Variants in ZNF521 observed in about 807,000 individuals in gnomAD.
ZNF521 encodes zinc finger protein 521.
In ZNF521, 14 loss-of-function variants were observed where a neutral mutation model predicts 105.5. The ratio of observed to expected loss-of-function variants is 0.13; its 90% confidence interval spans 0.09 to 0.21. The LOEUF (loss-of-function observed/expected upper bound fraction) is 0.21, where lower values mean the gene tolerates loss of function less well. Among genes scored for constraint, ZNF521 ranks in the 10% least tolerant of loss-of-function variants. The pLI, the probability that ZNF521 is intolerant of heterozygous loss-of-function variation, is 1.00. For missense variants in ZNF521, 1,233 were observed against 1,629.7 expected (o/e 0.76, Z 4.19); for synonymous variants, 635 against 606.0 (o/e 1.05, Z -0.70).
At chr18:25,278,021 C>A (rs746454872) in intron 3 of ZNF521, among the ~76,000 whole-genome samples, 1 of 152,074 alleles carries the variant, frequency 6.6e-6, no homozygotes, top group Admixed American at 6.6e-5. Flanking sequence ...GTGCAAATTA[C>A]GAAATAAGGA....
intron 3 of ZNF521, among the ~76,000 whole-genome samples, chr18:25,308,495 T>A (rs556921597): frequency 6.6e-6 from 1 of 152,250 alleles, no homozygotes; most frequent in East Asian, 1.9e-4. Context: ...GCCCAGCAGA[T>A]TCTATGCTGC....
Position 25,225,238 on chromosome 18 carries a change from C to T in ZNF521, c.2680G>A (p.Ala894Thr). ...PMYGCDICGA[A>T]YTMETLLQNH... Reference sequence around the variant, plus strand: ...TGCAGCAAAGTTTCCATAGTGTAGGCTGCCCCACAAATGTCGCAGCCGTAC... The same window carrying T: ...TGCAGCAAAGTTTCCATAGTGTAGGTTGCCCCACAAATGTCGCAGCCGTAC... The change falls in exon 4 of 8, where the codon GCC (alanine) becomes ACC (threonine). Residue 894 changes from alanine to threonine, a missense_variant. Transcript: ENST00000361524. The surrounding 1 kb of genome is among the most constrained non-coding windows in gnomAD (Gnocchi z 5.6). 6.2e-7 allele frequency: 1 copy of T among 1,614,138 alleles called. No homozygotes were observed. The highest frequency in any genetic ancestry group is 8.5e-7 in the Non-Finnish European group (1 of 1,180,022).
At chr18:25,223,146 C>T (rs1325236712) in intron 4 of ZNF521, among the ~76,000 whole-genome samples, 1 of 152,192 alleles carries the variant, frequency 6.6e-6, no homozygotes, top group East Asian at 1.9e-4. Flanking sequence ...TGATCCAACC[C>T]ATGAGCTATG....
intron 3 of ZNF521, among the ~76,000 whole-genome samples, chr18:25,314,319 T>A (rs959909034): frequency 3.9e-5 from 6 of 152,172 alleles, no homozygotes; most frequent in Non-Finnish European, 8.8e-5. Flanking sequence ...TTATTGTTCA[T>A]TGGAATGAAC....
chr18:25,349,814 T>C (rs1208000593), intron 2 of ZNF521, among the ~76,000 whole-genome samples: 2 of 150,020 alleles, frequency 1.3e-5, no homozygotes, highest in African/African-American at 2.4e-5. Context: ...CAGCCGCCCT[T>C]TGTCCTCCGC....
chr18:25,157,845 G>A (rs542591294), intron 5 of ZNF521, among the ~76,000 whole-genome samples: 1 of 152,144 alleles, frequency 6.6e-6, no homozygotes, highest in East Asian at 1.9e-4. Flanking sequence ...CTGTCTCCTG[G>A]GGTTCTAGTG....
At chr18:25,167,951 G>T (rs1216881062) in intron 5 of ZNF521, among the ~76,000 whole-genome samples, 1 of 152,170 alleles carries the variant, frequency 6.6e-6, no homozygotes, top group African/African-American at 2.4e-5. Flanking sequence ...GGATGAAAAG[G>T]TCACTCGCAT....
chr18:25,183,084 C>A (rs1345087729), intron 5 of ZNF521, among the ~76,000 whole-genome samples: 1 of 152,084 alleles, frequency 6.6e-6, no homozygotes, highest in Non-Finnish European at 1.5e-5. Flanking sequence ...ATCCATTATG[C>A]ATTATCCATG....
rs983428969 is a variant in ZNF521 at position 25,330,619 on chromosome 18, C to G, written c.41-8432G>C. ...AATAAGTATAAAATTAAACTGAAAA[C>G]CAAAAGAGACATTGATTCTAATATC... On this transcript the variant is annotated intron_variant, in intron 2 of 7. Transcript: ENST00000361524. Among the ~76,000 whole-genome samples the G allele has an allele frequency of 2.0e-5, 3 of 152,136 alleles. No homozygotes were observed. The East Asian group carries it at 5.8e-4, about 29-fold the overall frequency.
chr18:25,094,037 A>C (rs1006858791), intron 5 of ZNF521, among the ~76,000 whole-genome samples: 1 of 152,202 alleles, frequency 6.6e-6, no homozygotes, highest in Non-Finnish European at 1.5e-5. Context: ...ACGGGTTTTC[A>C]TCTCCTTTTA....
intron 5 of ZNF521, among the ~76,000 whole-genome samples, chr18:25,110,304 G>T (rs1468364984): frequency 6.6e-6 from 1 of 152,246 alleles, no homozygotes; most frequent in Admixed American, 6.5e-5. Flanking sequence ...CGGGACTGAG[G>T]AGGTGAGGAG....
chr18:25,115,984 G>A (rs1456194954), intron 5 of ZNF521, among the ~76,000 whole-genome samples: 1 of 152,162 alleles, frequency 6.6e-6, no homozygotes, highest in East Asian at 1.9e-4. Context: ...ATAGAGATAA[G>A]CACTTAGGGT....
chr18:25,188,283 C>T (rs1290271098), intron 5 of ZNF521, among the ~76,000 whole-genome samples: 1 of 152,114 alleles, frequency 6.6e-6, no homozygotes, highest in Admixed American at 6.6e-5. Flanking sequence ...CTACGAAACC[C>T]CATCAGCTCA....
intron 4 of ZNF521, among the ~76,000 whole-genome samples, chr18:25,217,264 C>T (rs762913323): frequency 2.6e-5 from 4 of 152,272 alleles, no homozygotes; most frequent in Non-Finnish European, 4.4e-5. Context: ...GAAGCTACTG[C>T]GGTATCCAGA....
intron 3 of ZNF521, among the ~76,000 whole-genome samples, chr18:25,287,417 G>A (rs554266153): frequency 5.3e-5 from 8 of 152,116 alleles, no homozygotes; most frequent in Admixed American, 1.3e-4. Flanking sequence ...TCAACAACAC[G>A]TTAACTTTAC....
intron 5 of ZNF521, among the ~76,000 whole-genome samples, chr18:25,147,547 T>G (rs959103592): frequency 1.3e-5 from 2 of 152,180 alleles, no homozygotes; most frequent in Non-Finnish European, 2.9e-5. Context: ...GGGATTACAT[T>G]AGTTCGACAG....
chr18:25,315,279 C>T (rs1912541053), intron 3 of ZNF521, among the ~76,000 whole-genome samples: 1 of 152,112 alleles, frequency 6.6e-6, no homozygotes, highest in African/African-American at 2.4e-5. Context: ...AAGAGAGGGA[C>T]TTAATTTTTT....
At chr18:25,137,073 G>A (rs1200859455) in intron 5 of ZNF521, among the ~76,000 whole-genome samples, 4 of 152,058 alleles carry the variant, frequency 2.6e-5, no homozygotes, top group African/African-American at 4.8e-5. Flanking sequence ...ATCCGATTAC[G>A]TCTATAAAAA....
chr18:25,300,926 G>A (rs1308684506), intron 3 of ZNF521, among the ~76,000 whole-genome samples: 1 of 152,100 alleles, frequency 6.6e-6, no homozygotes, highest in Non-Finnish European at 1.5e-5. Context: ...CCCGAGCATT[G>A]CAAGTACAAA....
Sources: gnomAD v4.1 joint callset for allele counts (sites outside exome capture counted in the v4.1 genomes callset) on GRCh38, gnomAD v4.1.1 for gene constraint, Gnocchi (gnomAD v3.1) non-coding constraint, MANE v1.5 for transcripts, NCBI Gene and HGNC (gene_info 2026-07-23, HGNC 2026-07-21) for gene names.